RPEL1: variants seen among roughly 807,000 people sequenced by gnomAD.
The protein encoded by RPEL1 is ribulose-5-phosphate-3-epimerase like 1, also known as ribulose-phosphate 3-epimerase-like protein 1.
A neutral mutation model predicts 12.8 loss-of-function variants in RPEL1; 7 were observed. That is an observed-to-expected ratio of 0.55 (90% CI 0.31 to 1.03). RPEL1 has a LOEUF of 1.03. Ranked by LOEUF, RPEL1 falls within the 50% of genes least tolerant of loss-of-function variation. The probability of loss-of-function intolerance (pLI) is 0.05; values close to 1 mark genes in which losing one functional copy is unlikely to be tolerated. For missense variants in RPEL1, 237 were observed against 289.4 expected (o/e 0.82, Z 1.31); for synonymous variants, 91 against 102.0 (o/e 0.89, Z 0.65).
chr10:103,246,063 T>A lies in RPEL1; in HGVS notation c.67T>A (p.Cys23Ser). ...NSDLANLGAK[C>S]LQMLDSGADY... ...CGACCTGGCCAATTTAGGGGCCAAG[T>A]GCCTCCAGATGCTAGACTCTGGGGC... The change falls in exon 1 of 1, where the codon TGC (cysteine) becomes AGC (serine). Residue 23 changes from cysteine to serine, a missense_variant. Coordinates refer to ENST00000441178, the MANE Select transcript of RPEL1 (RefSeq NM_001143909.1). 3.1e-6 allele frequency: 5 copies of A among 1,614,218 alleles called. No individual in the cohort carries two copies. The South Asian group carries it at 4.4e-5, about 14-fold the overall frequency.
chr10:103,245,939 A>AAG lies in RPEL1; in HGVS notation c.-58_-57insAG. ...ATTTCCTGGTTTTAAAAAAAAAAAA[A>AAG]GTGGGCTCTAGTCTTGCCGGGGACT... On this transcript the variant is annotated 5_prime_UTR_variant, in exon 1 of 1. Transcript: ENST00000441178. 5.8e-6 allele frequency: 9 copies of AAG among 1,555,456 alleles called. No homozygotes were observed. The highest frequency in any genetic ancestry group is 4.5e-5 in the East Asian group (2 of 44,182).
Position 103,245,926 on chromosome 10 carries a change from T to TTA in RPEL1, c.-71_-70insTA. 1.4e-6 allele frequency: 2 copies of TTA among 1,407,504 alleles called. No homozygotes were observed. The highest frequency in any genetic ancestry group is 1.9e-6 in the Non-Finnish European group (2 of 1,050,554). The allele number at this position is 1,407,504 out of a possible 1,614,324, so 87.2% of individuals were successfully genotyped here. ...GTTCTTTGGTAGAATTTCCTGGTTT[T>TTA]AAAAAAAAAAAAAGTGGGCTCTAGT... On this transcript the variant is annotated 5_prime_UTR_variant, in exon 1 of 1. Coordinates refer to ENST00000441178, the MANE Select transcript of RPEL1 (RefSeq NM_001143909.1).
rs1460770674 is a variant in RPEL1 at position 103,246,409 on chromosome 10, C to T, written c.413C>T (p.Ala138Val). The change falls in exon 1 of 1, where the codon GCC becomes GTC. Residue 138 changes from alanine to valine, a missense_variant. Ala to Val is a moderately conservative substitution (Grantham distance 64). Transcript: ENST00000441178. ...CCATGGGCTAATCAAATAGATATGG[C>T]CTTGGTTATGACAGTGGAACCGGGG... is the stretch of plus-strand genomic sequence containing the variant. Reference protein sequence around the residue: ...LAPWANQIDMALVMTVEPGFG... With the variant: ...LAPWANQIDMVLVMTVEPGFG... 6.2e-7 allele frequency: 1 copy of T among 1,614,174 alleles called. No homozygotes were observed. Among genetic ancestry groups the T allele is most frequent in the South Asian group, 1.1e-5 (1 of 91,082 alleles).
Position 103,246,722 on chromosome 10 carries a change from C to T in RPEL1, c.*39C>T. On this transcript the variant is annotated 3_prime_UTR_variant, in exon 1 of 1. Coordinates refer to ENST00000441178, the MANE Select transcript of RPEL1 (RefSeq NM_001143909.1). Reference sequence around the variant, plus strand: ...CCAATGTTTCTGTTCATGAAATCTCCCTTTTACTGGAAAACAGGAATATTG... The same window carrying T: ...CCAATGTTTCTGTTCATGAAATCTCTCTTTTACTGGAAAACAGGAATATTG... The T allele has an allele frequency of 6.3e-7, 1 of 1,576,762 alleles. No homozygotes were observed. Among genetic ancestry groups the T allele is most frequent in the Non-Finnish European group, 8.6e-7 (1 of 1,159,048 alleles).
chr10:103,246,207 A>G lies in RPEL1; in HGVS notation c.211A>G (p.Met71Val). The G allele has an allele frequency of 6.2e-7, 1 of 1,614,206 alleles. No homozygotes were observed. The highest frequency in any genetic ancestry group is 1.1e-5 in the South Asian group (1 of 91,088). ...LGQDPFFDMH[M>V]MVSKPEQWVK... ...CCAGGACCCTTTCTTTGACATGCAC[A>G]TGATGGTGTCCAAGCCAGAACAGTG... The change falls in exon 1 of 1, where the codon ATG (methionine) becomes GTG (valine). Residue 71 changes from methionine (M) to valine (V), a missense_variant. Physicochemically the swap from Met to Val is conservative, Grantham distance 21 (BLOSUM62 1). Transcript: ENST00000441178.
At position 103,246,061 on chromosome 10, in the gene RPEL1, A is replaced by G. The variant is rs1380547751; in HGVS notation, c.65A>G (p.Lys22Arg). The G allele has an allele frequency of 6.2e-7, 1 of 1,614,236 alleles. No homozygotes were observed. Among genetic ancestry groups the G allele is most frequent in the Non-Finnish European group, 8.5e-7 (1 of 1,180,038 alleles). Residue 22 changes from lysine to arginine, a missense_variant, in exon 1 of 1, where the codon AAG becomes AGG. Coordinates refer to ENST00000441178, the MANE Select transcript of RPEL1 (RefSeq NM_001143909.1). Reference sequence around the variant, plus strand: ...AGCGACCTGGCCAATTTAGGGGCCAAGTGCCTCCAGATGCTAGACTCTGGG... The same window carrying G: ...AGCGACCTGGCCAATTTAGGGGCCAGGTGCCTCCAGATGCTAGACTCTGGG... ...LNSDLANLGA[K>R]CLQMLDSGAD... is the part of the protein sequence containing the mutation.
rs1225004248 is a variant in RPEL1 at position 103,246,629 on chromosome 10, C to T, written c.633C>T (p.Asn211=). ...MRSEDPRSVI[N]LLRNICSEAA... is the part of the protein sequence containing the mutation. ...GTGAAGACCCCAGATCTGTGATCAA[C>T]CTATTAAGAAATATTTGCTCAGAAG... Residue 211 remains asparagine (N), a synonymous_variant, in exon 1 of 1, where the codon AAC becomes AAT. Coordinates refer to ENST00000441178, the MANE Select transcript of RPEL1 (RefSeq NM_001143909.1). 5.0e-6 allele frequency: 8 copies of T among 1,614,116 alleles called. No homozygotes were observed. The Admixed American group carries it at 8.3e-5, about 17-fold the overall frequency.
chr10:103,247,369 A>G lies in RPEL1; in HGVS notation c.*686A>G, dbSNP rs1592032689. On this transcript the variant is annotated 3_prime_UTR_variant, in exon 1 of 1. Transcript: ENST00000441178. ...TAGCTCTGAGTAGAAAGGAAAAAGT[A>G]AAAACCTCTGTATGGAAGTAATATT... 1 of 167,136 alleles carries G rather than the reference A, an allele frequency of 6.0e-6. No individual in the cohort carries two copies. Among genetic ancestry groups the G allele is most frequent in the East Asian group, 1.9e-4 (1 of 5,214 alleles). 10.4% of individuals were successfully genotyped at this position (167,136 alleles called of 1,614,324 possible). A position where few individuals can be genotyped will look rare whatever the true frequency, so the allele number is the denominator to read the frequency against.
rs1028377236 is a variant in RPEL1, at chr10:103,246,880, C to T, written c.*197C>T. 6.8e-5 allele frequency: 46 copies of T among 674,252 alleles called. No individual in the cohort carries two copies. The highest frequency in any genetic ancestry group is 1.5e-4 in the Admixed American group (5 of 32,730). The allele number at this position is 674,252 out of a possible 1,614,324, so 41.8% of individuals were successfully genotyped here. ...GTGTATAACTACATTTTTAGTGATG[C>T]AATTTAATGATTAGTGAGTAAGATA... On this transcript the variant is annotated 3_prime_UTR_variant, in exon 1 of 1. Transcript: ENST00000441178.
chr10:103,246,822 T>C lies in RPEL1; in HGVS notation c.*139T>C. Reference sequence around the variant, plus strand: ...ATTCATTCCAGTGATTAAAACTGATTGTGCAGAATATTCTAAGAGGTCAGA... The same window carrying C: ...ATTCATTCCAGTGATTAAAACTGATCGTGCAGAATATTCTAAGAGGTCAGA... On this transcript the variant is annotated 3_prime_UTR_variant, in exon 1 of 1. Coordinates refer to ENST00000441178, the MANE Select transcript of RPEL1 (RefSeq NM_001143909.1). 1 of 1,143,088 alleles carries C rather than the reference T, an allele frequency of 8.7e-7. No individual in the cohort carries two copies. Among genetic ancestry groups the C allele is most frequent in the Non-Finnish European group, 1.2e-6 (1 of 815,862 alleles). 70.8% of individuals were successfully genotyped at this position (1,143,088 alleles called of 1,614,324 possible).
Position 103,245,970 on chromosome 10 carries a change from G to C in RPEL1, c.-27G>C. 6.2e-7 allele frequency: 1 copy of C among 1,609,894 alleles called. No individual in the cohort carries two copies. The highest frequency in any genetic ancestry group is 1.3e-5 in the African/African-American group (1 of 74,884). ...CTCTAGTCTTGCCGGGGACTCGTGG[G>C]GTAACTTGTTCTTGGGAGCCAGCGG... On this transcript the variant is annotated 5_prime_UTR_variant, in exon 1 of 1. Transcript: ENST00000441178.
At position 103,246,947 on chromosome 10, in the gene RPEL1, T is replaced by C. The variant is rs1388321656; in HGVS notation, c.*264T>C. 5.8e-6 allele frequency: 3 copies of C among 517,120 alleles called. 1 individual carries two copies. The highest frequency in any genetic ancestry group is 1.0e-5 in the Non-Finnish European group (3 of 287,354). The allele number at this position is 517,120 out of a possible 1,614,324, so 32.0% of individuals were successfully genotyped here. The stretch of plus-strand genomic sequence containing the variant: ...ACTTGATTTTTATAAAGAGTAAAAA[T>C]ACGGCTGCATTAAGGTTACAAACAG... On this transcript the variant is annotated 3_prime_UTR_variant, in exon 1 of 1. Coordinates refer to ENST00000441178, the MANE Select transcript of RPEL1 (RefSeq NM_001143909.1).
rs1384083372 is a variant in RPEL1 at position 103,246,679 on chromosome 10, G to A, written c.683G>A (p.Arg228Gln). The A allele has an allele frequency of 1.3e-5, 21 of 1,611,098 alleles. No individual in the cohort carries two copies. Among genetic ancestry groups the A allele is most frequent in the Non-Finnish European group, 1.7e-5 (20 of 1,178,350 alleles). ...GCTGCTCAGAAACGTTCTCTTGATC[G>A]ATGAAACCATAAGGAGCCCAATGTT... ...SEAAQKRSLD[R>Q] Residue 228 changes from arginine (R) to glutamine (Q), a missense_variant, in exon 1 of 1, where the codon CGA becomes CAA. Arg to Gln is a conservative substitution (Grantham distance 43). Coordinates refer to ENST00000441178, the MANE Select transcript of RPEL1 (RefSeq NM_001143909.1).
Position 103,246,325 on chromosome 10 carries a change from A to G in RPEL1, c.329A>G (p.Glu110Gly). Reference protein sequence around the residue: ...NPGTLIKDIRENGMKVGLAIK... With the variant: ...NPGTLIKDIRGNGMKVGLAIK... ...GGGACTTTGATTAAAGACATTCGGG[A>G]GAATGGGATGAAGGTTGGCCTTGCC... Residue 110 changes from glutamate to glycine, a missense_variant, in exon 1 of 1, where the codon GAG becomes GGG. Coordinates refer to ENST00000441178, the MANE Select transcript of RPEL1 (RefSeq NM_001143909.1). 1 of 1,614,212 alleles carries G rather than the reference A, an allele frequency of 6.2e-7. No individual in the cohort carries two copies. Among genetic ancestry groups the G allele is most frequent in the South Asian group, 1.1e-5 (1 of 91,078 alleles).
rs374248894 is a variant in RPEL1, at chr10:103,246,667, G to A, written c.671G>A (p.Arg224His). 1.2e-5 allele frequency: 19 copies of A among 1,612,884 alleles called. No individual in the cohort carries two copies. The East Asian group carries it at 2.2e-4, about 19-fold the overall frequency. ...ATTTGCTCAGAAGCTGCTCAGAAAC[G>A]TTCTCTTGATCGATGAAACCATAAG... Reference protein sequence around the residue: ...RNICSEAAQKRSLDR With the variant: ...RNICSEAAQKHSLDR Residue 224 changes from arginine (R) to histidine (H), a missense_variant, in exon 1 of 1, where the codon CGT (arginine) becomes CAT (histidine). By Grantham distance (29) the Arg-to-His change is conservative. Coordinates refer to ENST00000441178, the MANE Select transcript of RPEL1 (RefSeq NM_001143909.1).
Position 103,248,007 on chromosome 10 carries a change from G to A in RPEL1, c.*1324G>A, listed in dbSNP as rs968800496. On this transcript the variant is annotated 3_prime_UTR_variant, in exon 1 of 1. Transcript: ENST00000441178. Reference sequence around the variant, plus strand: ...AGTATAGGTTCGAACCCACCTGCCTGATTACGTCTCCCATGCCAACTCCTA... The same window carrying A: ...AGTATAGGTTCGAACCCACCTGCCTAATTACGTCTCCCATGCCAACTCCTA... 5 of 166,862 alleles carry A rather than the reference G, an allele frequency of 3.0e-5. No individual in the cohort carries two copies. The highest frequency in any genetic ancestry group is 6.6e-5 in the Admixed American group (1 of 15,258). 10.3% of individuals were successfully genotyped at this position (166,862 alleles called of 1,614,324 possible). A position where few individuals can be genotyped will look rare whatever the true frequency, so the allele number is the denominator to read the frequency against.
chr10:103,246,616 G>T lies in RPEL1; in HGVS notation c.620G>T (p.Arg207Ile), dbSNP rs1450580251. ...GCTATTATGAGGAGTGAAGACCCCAGATCTGTGATCAACCTATTAAGAAAT... is the reference window on the plus strand; with the variant it reads ...GCTATTATGAGGAGTGAAGACCCCATATCTGTGATCAACCTATTAAGAAAT... Reference protein sequence around the residue: ...GSAIMRSEDPRSVINLLRNIC... With the variant: ...GSAIMRSEDPISVINLLRNIC... Residue 207 changes from arginine to isoleucine, a missense_variant, in exon 1 of 1, where the codon AGA (arginine) becomes ATA (isoleucine). Coordinates refer to ENST00000441178, the MANE Select transcript of RPEL1 (RefSeq NM_001143909.1). 6.2e-7 allele frequency: 1 copy of T among 1,614,074 alleles called. No individual in the cohort carries two copies. Among genetic ancestry groups the T allele is most frequent in the Non-Finnish European group, 8.5e-7 (1 of 1,180,036 alleles).
chr10:103,246,973 A>C lies in RPEL1; in HGVS notation c.*290A>C. 1 of 434,696 alleles carries C rather than the reference A, an allele frequency of 2.3e-6. No homozygotes were observed. The highest frequency in any genetic ancestry group is 4.2e-6 in the Non-Finnish European group (1 of 236,152). The allele number at this position is 434,696 out of a possible 1,614,324, so 26.9% of individuals were successfully genotyped here. A position where few individuals can be genotyped will look rare whatever the true frequency, so the allele number is the denominator to read the frequency against. On this transcript the variant is annotated 3_prime_UTR_variant, in exon 1 of 1. Coordinates refer to ENST00000441178, the MANE Select transcript of RPEL1 (RefSeq NM_001143909.1). The stretch of plus-strand genomic sequence containing the variant: ...ACGGCTGCATTAAGGTTACAAACAG[A>C]AAAGTGTCTTAATGCCTAAGGAGGG...
rs960916319 is a variant in RPEL1 at position 103,247,361 on chromosome 10, G to A, written c.*678G>A. ...TGTTGTGTTAGCTCTGAGTAGAAAG[G>A]AAAAAGTAAAAACCTCTGTATGGAA... On this transcript the variant is annotated 3_prime_UTR_variant, in exon 1 of 1. Coordinates refer to ENST00000441178, the MANE Select transcript of RPEL1 (RefSeq NM_001143909.1). The A allele has an allele frequency of 3.0e-5, 5 of 167,028 alleles. No homozygotes were observed. The highest frequency in any genetic ancestry group is 1.2e-4 in the African/African-American group (5 of 41,428). 10.3% of individuals were successfully genotyped at this position (167,028 alleles called of 1,614,324 possible).
Sources: allele counts gnomAD v4.1 joint callset, GRCh38; gene constraint gnomAD v4.1.1; transcripts MANE v1.5; gene names NCBI Gene and HGNC (gene_info 2026-07-23, HGNC 2026-07-21).